The following PIK3C3 variants were observed in gnomAD, a reference collection of about 807,000 sequenced individuals.
PIK3C3 encodes phosphatidylinositol 3-kinase catalytic subunit type 3.
Under a neutral mutation model 126.1 loss-of-function variants are expected in PIK3C3, and 95 were observed. That is an observed-to-expected ratio of 0.75 (90% CI 0.64 to 0.89). PIK3C3 has a LOEUF of 0.89. Among genes scored for constraint, PIK3C3 ranks in the 40% least tolerant of loss-of-function variants. The probability of loss-of-function intolerance (pLI) is 0.00; values close to 1 mark genes in which losing one functional copy is unlikely to be tolerated. For synonymous variants in PIK3C3, 374 were observed against 360.0 expected (o/e 1.04, Z -0.44); for missense variants, 829 against 1,063.2 (o/e 0.78, Z 3.06).
chr18:41,968,688 T>C (rs1318696748), intron 3 of PIK3C3, among the ~76,000 whole-genome samples: 3 of 152,198 alleles, frequency 2.0e-5, no homozygotes, highest in Non-Finnish European at 2.9e-5. Context: ...CATTATATAA[T>C]GTTGAGTGAA....
rs562461717 is a variant in PIK3C3, at chr18:42,043,700, T to G, written c.2104-33T>G. The G allele has an allele frequency of 2.7e-5, 39 of 1,421,234 alleles. 1 individual carries two copies. In the South Asian group the frequency reaches 4.3e-4, roughly 16 times the overall value. The allele number at this position is 1,421,234 out of a possible 1,614,324, so 88.0% of individuals were successfully genotyped here. On this transcript the variant is annotated intron_variant, in intron 19 of 24. Coordinates refer to ENST00000262039, the MANE Select transcript of PIK3C3 (RefSeq NM_002647.4). ...AACACCTAGTTTGTTTGTTTGTACT[T>G]AATTCTAAAACATGTAAATAATGTC...
At chr18:42,070,698 T>G (rs1985737941) in intron 24 of PIK3C3, among the ~76,000 whole-genome samples, 1 of 152,186 alleles carries the variant, frequency 6.6e-6, no homozygotes, top group Non-Finnish European at 1.5e-5. Context: ...TGTCAAAGGT[T>G]AATTGCTTTA....
At chr18:42,064,036 A>G (rs569179638) in intron 22 of PIK3C3, among the ~76,000 whole-genome samples, 1 of 152,290 alleles carries the variant, frequency 6.6e-6, no homozygotes, top group Non-Finnish European at 1.5e-5. Context: ...CCACCTCTGG[A>G]AATGACCATT....
At chr18:42,053,874 G>A (rs938477019) in intron 21 of PIK3C3, among the ~76,000 whole-genome samples, 62 of 151,748 alleles carry the variant, frequency 4.1e-4, no homozygotes, top group African/African-American at 1.5e-3. Context: ...AGTAAAGAGG[G>A]AACTGGTATC....
chr18:41,966,933 G>A (rs961671539), intron 3 of PIK3C3, among the ~76,000 whole-genome samples: 1 of 152,180 alleles, frequency 6.6e-6, no homozygotes, highest in Non-Finnish European at 1.5e-5. Context: ...TGAGGGGGTG[G>A]AGTGCAAAAA....
intron 4 of PIK3C3, among the ~76,000 whole-genome samples, chr18:41,979,038 T>C (rs1213069674): frequency 7.6e-6 from 1 of 132,260 alleles, no homozygotes; most frequent in Admixed American, 9.2e-5. Flanking sequence ...GACACCAGGC[T>C]GAGTAACATA....
At chr18:42,001,905 G>A (rs1337679847) in intron 9 of PIK3C3, among the ~76,000 whole-genome samples, 2 of 152,044 alleles carry the variant, frequency 1.3e-5, no homozygotes, top group East Asian at 1.9e-4. Context: ...CTAGAAATAC[G>A]TTTTAGAAGT....
At chr18:42,051,874 A>G (rs934578575) in intron 21 of PIK3C3, among the ~76,000 whole-genome samples, 1 of 152,146 alleles carries the variant, frequency 6.6e-6, no homozygotes, top group Non-Finnish European at 1.5e-5. Flanking sequence ...AAATAATGCT[A>G]AATGACGAGT....
intron 21 of PIK3C3, 116 bp from the exon 22 acceptor site, chr18:42,057,767 A>G (rs914566458): frequency 3.3e-6 from 3 of 901,280 alleles, no homozygotes; most frequent in East Asian, 2.7e-5. Context: ...AATAGGCTTC[A>G]TCGTGAACTA....
chr18:42,021,573 C>A (rs1231972744), intron 13 of PIK3C3, among the ~76,000 whole-genome samples: 1 of 152,182 alleles, frequency 6.6e-6, no homozygotes, highest in Admixed American at 6.6e-5. Flanking sequence ...ATCCTTAAAA[C>A]TACTTATATC....
rs1360541821 is a variant in PIK3C3, at chr18:42,051,695, A to G, written c.2263+2090A>G. Among the ~76,000 whole-genome samples, 13 of 152,228 alleles carry G rather than the reference A, an allele frequency of 8.5e-5. No homozygotes were observed. In the East Asian group the frequency reaches 2.5e-3, roughly 29 times the overall value. On this transcript the variant is annotated intron_variant, in intron 21 of 24. Transcript: ENST00000262039. ...ATTTAGCAGAGGATATTTATAAAACATTATGGTGTATTTGGAGAGAATTGT... is the reference window on the plus strand; with the variant it reads ...ATTTAGCAGAGGATATTTATAAAACGTTATGGTGTATTTGGAGAGAATTGT...
intron 23 of PIK3C3, among the ~76,000 whole-genome samples, chr18:42,065,314 C>T (rs1007741762): frequency 6.6e-6 from 1 of 152,048 alleles, no homozygotes; most frequent in East Asian, 1.9e-4. Context: ...CAGAAAAGGA[C>T]TTTAAAGCAG....
At chr18:41,999,179 A>G (rs1237824040) in intron 9 of PIK3C3, among the ~76,000 whole-genome samples, 1 of 152,064 alleles carries the variant, frequency 6.6e-6, no homozygotes, top group Non-Finnish European at 1.5e-5. Flanking sequence ...ATTTGTTACC[A>G]TTTAAATTTA....
rs117789293 is a variant in PIK3C3, at chr18:42,053,945, A to G, written c.2264-3938A>G. ...ATGGCCCTCCTGATCTTGAGTTGCC[A>G]TTTGTGAGAGAGGTAGTAGCTTTTC... On this transcript the variant is annotated intron_variant, in intron 21 of 24. Coordinates refer to ENST00000262039, the MANE Select transcript of PIK3C3 (RefSeq NM_002647.4). Among the ~76,000 whole-genome samples the G allele has an allele frequency of 8.6e-3, 1,305 of 151,504 alleles. 14 individuals are homozygous for G. The highest frequency in any genetic ancestry group is 0.011 in the Non-Finnish European group (761 of 67,862).
chr18:42,015,463 A>G lies in PIK3C3; in HGVS notation c.1326-13A>G. 1.3e-6 allele frequency: 2 copies of G among 1,598,130 alleles called. No individual in the cohort carries two copies. Among genetic ancestry groups the G allele is most frequent in the Non-Finnish European group, 1.7e-6 (2 of 1,166,084 alleles). On this transcript the variant is annotated splice_polypyrimidine_tract_variant and intron_variant, in intron 11 of 24. Coordinates refer to ENST00000262039, the MANE Select transcript of PIK3C3 (RefSeq NM_002647.4). ...ATTTTACATCTCAGTGATCTCTTTT[A>G]TTACTTTTTCAGCTCCCAAATTATA...
In PIK3C3 at chr18:42,015,586, A is replaced by G. The variant is rs201186779; in HGVS notation, c.1416+20A>G. On this transcript the variant is annotated intron_variant, in intron 12 of 24. Coordinates refer to ENST00000262039, the MANE Select transcript of PIK3C3 (RefSeq NM_002647.4). The stretch of plus-strand genomic sequence containing the variant: ...CTGGAAGTGAGTACAAAGCTTTTCC[A>G]GCTTCCTATAGGAGAGATCCTACTG... 555 of 1,556,490 alleles carry G rather than the reference A, an allele frequency of 3.6e-4. 2 individuals carry two copies. Among genetic ancestry groups the G allele is most frequent in the Admixed American group, 2.7e-4 (16 of 59,922 alleles).
At chr18:41,970,597 T>G (rs1457675123) in intron 4 of PIK3C3, 141 bp downstream of exon 4, 1 of 772,080 alleles carries the variant, frequency 1.3e-6, no homozygotes, top group African/African-American at 1.7e-5. Flanking sequence ...GAGATATAAT[T>G]CACATACCAT....
At chr18:41,992,180 T>C (rs1440643834) in intron 6 of PIK3C3, among the ~76,000 whole-genome samples, 4 of 152,158 alleles carry the variant, frequency 2.6e-5, no homozygotes, top group Non-Finnish European at 4.4e-5. Flanking sequence ...ACCCACCCTG[T>C]CATATTTCCA....
intron 3 of PIK3C3, among the ~76,000 whole-genome samples, chr18:41,966,455 C>T (rs1980375977): frequency 6.6e-6 from 1 of 152,092 alleles, no homozygotes; most frequent in African/African-American, 2.4e-5. Flanking sequence ...CAGGTATGAG[C>T]CACTATGCCT....
Sources: allele counts gnomAD v4.1 joint callset (sites outside exome capture counted in the v4.1 genomes callset), GRCh38; gene constraint gnomAD v4.1.1; transcripts MANE v1.5; gene names NCBI Gene and HGNC (gene_info 2026-07-23, HGNC 2026-07-21).